The following MED9 variants were observed in gnomAD, a reference collection of about 807,000 sequenced individuals.
MED9 encodes the protein mediator complex subunit 9, also known as mediator of RNA polymerase II transcription subunit 9.
MED9 carries 8 observed loss-of-function variants against 13.2 expected under a neutral mutation model. The ratio of observed to expected loss-of-function variants is 0.61; its 90% CI spans 0.36 to 1.10. The LOEUF (loss-of-function observed/expected upper bound fraction) is 1.10, where lower values mean the gene tolerates loss of function less well. MED9 is among the 50% of genes least tolerant of loss of function. The pLI is 0.02. For synonymous variants in MED9, 87 were observed against 82.8 expected (o/e 1.05, Z -0.28); for missense variants, 180 against 193.4 (o/e 0.93, Z 0.41).
At chr17:17,478,449 A>AC (rs1567634135) in intron 1 of MED9, among the ~76,000 whole-genome samples, 1 of 152,240 alleles carries the variant, frequency 6.6e-6, no homozygotes, top group African/African-American at 2.4e-5. Flanking sequence ...GTTTAAGCAA[A>AC]TTAGATTCAC....
At chr17:17,477,390 C>A in intron 1 of MED9, 125 bp downstream of exon 1, 1 of 1,117,384 alleles carries the variant, frequency 8.9e-7, no homozygotes, top group Non-Finnish European at 1.2e-6. Context: ...GAAACTCAGA[C>A]CCAGAGCGGG....
At chr17:17,485,259 T>C (rs1905107529) in intron 1 of MED9, 2 of 397,864 alleles carry the variant, frequency 5.0e-6, no homozygotes, top group Non-Finnish European at 8.9e-6. Flanking sequence ...CACCACGCCT[T>C]TGTAAAAATA....
chr17:17,481,509 G>A (rs550474410), intron 1 of MED9, among the ~76,000 whole-genome samples: 1 of 152,288 alleles, frequency 6.6e-6, no homozygotes, highest in South Asian at 2.1e-4. Context: ...ACTTTCCTAA[G>A]TTCCTTCTGG....
chr17:17,484,620 T>A (rs1905092598), intron 1 of MED9, among the ~76,000 whole-genome samples: 1 of 152,256 alleles, frequency 6.6e-6, no homozygotes, highest in Admixed American at 6.5e-5. Context: ...CCGTTCACTT[T>A]CTTCTCCCTC....
chr17:17,479,190 C>G (rs916051361), intron 1 of MED9, among the ~76,000 whole-genome samples: 2 of 152,128 alleles, frequency 1.3e-5, no homozygotes, highest in African/African-American at 2.4e-5. Context: ...GTTAGACAGC[C>G]CTGTGTTCAA....
rs777077590 is a variant in MED9 at position 17,477,214 on chromosome 17, G to C, written c.173G>C (p.Arg58Thr). The change falls in exon 1 of 2, where the codon AGG becomes ACG. Residue 58 changes from arginine to threonine, a missense_variant. Coordinates refer to ENST00000268711, the MANE Select transcript of MED9 (RefSeq NM_018019.3). ...APRPQSPARA[R>T]EEENYSFLPL... ...CGGCCTCAGTCACCTGCCCGCGCGA[G>C]GGAGGAAGAGAACTACTCCTTTTTA... 3.7e-6 allele frequency: 6 copies of C among 1,610,326 alleles called. No individual in the cohort carries two copies. The African/African-American group carries it at 8.0e-5, about 22-fold the overall frequency.
chr17:17,489,969 G>C (rs1465429566), intron 1 of MED9, among the ~76,000 whole-genome samples: 1 of 152,224 alleles, frequency 6.6e-6, no homozygotes, highest in Non-Finnish European at 1.5e-5. Flanking sequence ...AGCACCATCT[G>C]GGTTGAAATT....
chr17:17,490,935 C>A (rs1905215704), intron 1 of MED9, among the ~76,000 whole-genome samples: 1 of 152,196 alleles, frequency 6.6e-6, no homozygotes, highest in African/African-American at 2.4e-5. Context: ...ACGGACATTT[C>A]TTGAGTGCCT....
At position 17,491,626 on chromosome 17, in the gene MED9, C is replaced by T. The variant is rs1905231217; in HGVS notation, c.*131C>T. 2.2e-6 allele frequency: 2 copies of T among 892,462 alleles called. No homozygotes were observed. The highest frequency in any genetic ancestry group is 3.3e-5 in the African/African-American group (2 of 59,732). 55.3% of individuals were successfully genotyped at this position (892,462 alleles called of 1,614,324 possible). A position where few individuals can be genotyped will look rare whatever the true frequency, so the allele number is the denominator to read the frequency against. ...TCGTCAAGCTGCAGGGGCGGGGCTC[C>T]TGTGCTGCTGCGCGCGCTTCGCCTG... On this transcript the variant is annotated 3_prime_UTR_variant, in exon 2 of 2. Coordinates refer to ENST00000268711, the MANE Select transcript of MED9 (RefSeq NM_018019.3).
intron 1 of MED9, among the ~76,000 whole-genome samples, chr17:17,490,329 A>C (rs1376875736): frequency 6.6e-6 from 1 of 152,150 alleles, no homozygotes; most frequent in African/African-American, 2.4e-5. Context: ...CCAGCTACTC[A>C]GGAGGCTGAG....
At chr17:17,479,955 C>T (rs1320787195) in intron 1 of MED9, among the ~76,000 whole-genome samples, 1 of 152,154 alleles carries the variant, frequency 6.6e-6, no homozygotes, top group Admixed American at 6.6e-5. Context: ...CAAGGACCCC[C>T]TGGAAATAGG....
At chr17:17,488,937 T>G (rs2142476718) in intron 1 of MED9, among the ~76,000 whole-genome samples, 1 of 152,334 alleles carries the variant, frequency 6.6e-6, no homozygotes, top group East Asian at 1.9e-4. Context: ...ACCTAGTGGC[T>G]TTTTTCATTC....
chr17:17,491,811 A>C lies in MED9; in HGVS notation c.*316A>C. ...CTCCCCTGCCTCTGGGGAGGGGGCC[A>C]TCTGCTGCGCCCGGCCCCACTGACA... is the stretch of plus-strand genomic sequence containing the variant. On this transcript the variant is annotated 3_prime_UTR_variant, in exon 2 of 2. Coordinates refer to ENST00000268711, the MANE Select transcript of MED9 (RefSeq NM_018019.3). 2.6e-6 allele frequency: 1 copy of C among 383,010 alleles called. No individual in the cohort carries two copies. 23.7% of individuals were successfully genotyped at this position (383,010 alleles called of 1,614,324 possible). A position where few individuals can be genotyped will look rare whatever the true frequency, so the allele number is the denominator to read the frequency against.
In MED9 at chr17:17,491,375, C is replaced by G; in HGVS notation, c.321C>G (p.Ile107Met). Residue 107 changes from isoleucine to methionine, a missense_variant, in exon 2 of 2, where the codon ATC becomes ATG. Transcript: ENST00000268711. ...AGCTCATCAGCACCATGCCCGGCAT[C>G]CACCTGAGCCCCGAACAGCAGCAGC... ...MRKLISTMPGIHLSPEQQQQQ... is the reference protein window; with the variant it reads ...MRKLISTMPGMHLSPEQQQQQ... 1 of 1,614,034 alleles carries G rather than the reference C, an allele frequency of 6.2e-7. No individual in the cohort carries two copies. Among genetic ancestry groups the G allele is most frequent in the Non-Finnish European group, 8.5e-7 (1 of 1,180,038 alleles).
At chr17:17,484,658 A>G (rs1327990668) in intron 1 of MED9, among the ~76,000 whole-genome samples, 1 of 152,220 alleles carries the variant, frequency 6.6e-6, no homozygotes, top group Non-Finnish European at 1.5e-5. Flanking sequence ...CAGGATGAGC[A>G]GCCACAGATA....
intron 1 of MED9, chr17:17,487,472 G>T (rs1041524233): frequency 6.2e-6 from 1 of 162,204 alleles, no homozygotes; most frequent in Non-Finnish European, 1.3e-5. Context: ...GAGCCCACCG[G>T]GAGGAACGAA....
chr17:17,480,484 C>T (rs189355688), intron 1 of MED9, among the ~76,000 whole-genome samples: 7 of 152,042 alleles, frequency 4.6e-5, no homozygotes, highest in African/African-American at 1.7e-4. Context: ...TAGGAAGAAA[C>T]CCCCTGGTAA....
At position 17,477,028 on chromosome 17, in the gene MED9, C is replaced by G. The variant is rs977915597; in HGVS notation, c.-14C>G. The G allele has an allele frequency of 6.2e-7, 1 of 1,604,162 alleles. No homozygotes were observed. The highest frequency in any genetic ancestry group is 1.3e-5 in the African/African-American group (1 of 74,810). ...TTTGGCGACCCGACCTCTGGCTAACCTACCCCCGGAGCCATGGCCTCTGCT... is the reference window on the plus strand; with the variant it reads ...TTTGGCGACCCGACCTCTGGCTAACGTACCCCCGGAGCCATGGCCTCTGCT... On this transcript the variant is annotated 5_prime_UTR_variant, in exon 1 of 2. Transcript: ENST00000268711.
intron 1 of MED9, among the ~76,000 whole-genome samples, chr17:17,490,926 C>T (rs541084517): frequency 6.6e-6 from 1 of 152,174 alleles, no homozygotes; most frequent in Non-Finnish European, 1.5e-5. Flanking sequence ...ATTCTTTCCA[C>T]GGACATTTCT....
Sources: allele counts gnomAD v4.1 joint callset (sites outside exome capture counted in the v4.1 genomes callset), GRCh38; gene constraint gnomAD v4.1.1; transcripts MANE v1.5; gene names NCBI Gene and HGNC (gene_info 2026-07-23, HGNC 2026-07-21).